The following CFAP251 variants were observed in gnomAD, a reference collection of about 807,000 sequenced individuals.
The protein encoded by CFAP251 is cilia and flagella associated protein 251, also known as cilia- and flagella-associated protein 251.
In CFAP251, 93 loss-of-function variants were observed where a neutral mutation model predicts 126.7. The observed-to-expected ratio is 0.73, with a 90% CI of 0.62 to 0.87. The LOEUF (loss-of-function observed/expected upper bound fraction) is 0.87. CFAP251 is among the 40% of genes least tolerant of loss of function. The pLI, the probability that CFAP251 is intolerant of heterozygous loss-of-function variation, is 0.00. For synonymous variants in CFAP251, 503 were observed against 506.9 expected (o/e 0.99, Z 0.10); for missense variants, 1,287 against 1,389.2 (o/e 0.93, Z 1.17).
At chr12:121,954,660 A>AAAAAAAC (rs1448559387) in intron 10 of CFAP251, among the ~76,000 whole-genome samples, 4 of 146,746 alleles carry the variant, frequency 2.7e-5, no homozygotes, top group Non-Finnish European at 6.1e-5. Flanking sequence ...AAAAAAAAAA[A>AAAAAAAC]AAAAAAAACC....
At chr12:121,945,352 CTTTTT>C (rs869230178) in intron 7 of CFAP251, among the ~76,000 whole-genome samples, 7 of 118,448 alleles carry the variant, frequency 5.9e-5, no homozygotes, top group Non-Finnish European at 1.1e-4. Flanking sequence ...CTTTTCTTTT[CTTTTT>C]TTTTGAGATG....
chr12:121,999,633 C>T, intron 19 of CFAP251, 83 bp from the exon 20 acceptor site: 1 of 1,072,570 alleles, frequency 9.3e-7, no homozygotes, highest in Non-Finnish European at 1.3e-6. Flanking sequence ...GCTGCACCAG[C>T]CCTACTGTCC....
intron 19 of CFAP251, among the ~76,000 whole-genome samples, chr12:121,985,685 T>G (rs1004776827): frequency 4.0e-5 from 6 of 151,346 alleles, no homozygotes; most frequent in Admixed American, 3.9e-4. Context: ...GGTCTCAAAC[T>G]CCTGGGCTTA....
chr12:121,975,451 G>C, intron 18 of CFAP251, 91 bp from the exon 19 acceptor site: 1 of 1,580,224 alleles, frequency 6.3e-7, no homozygotes, highest in South Asian at 1.1e-5. Flanking sequence ...CAGCTTAAAA[G>C]GTACTTTCTA....
At chr12:121,980,678 G>C (rs2135803917) in intron 19 of CFAP251, among the ~76,000 whole-genome samples, 1 of 152,252 alleles carries the variant, frequency 6.6e-6, no homozygotes, top group East Asian at 1.9e-4. Context: ...CATTAGAAAT[G>C]TTGCCTCAGA....
chr12:121,997,877 G>C (rs1391244674), intron 19 of CFAP251: 2 of 150,718 alleles, frequency 1.3e-5, no homozygotes, highest in Non-Finnish European at 2.9e-5. Flanking sequence ...TCAGCCCCCC[G>C]AGTAGCTGGG....
At chr12:121,995,928 A>T (rs371706965) in intron 19 of CFAP251, among the ~76,000 whole-genome samples, 8 of 152,242 alleles carry the variant, frequency 5.3e-5, no homozygotes, top group African/African-American at 1.4e-4. Context: ...TTTTATATGC[A>T]TAGAAAAAAT....
In CFAP251 at chr12:121,934,237, A is replaced by G. The variant is rs748285021; in HGVS notation, c.889-10A>G. The stretch of plus-strand genomic sequence containing the variant: ...GGATGTTTCAAAGCGTTTTCTCTCC[A>G]TTTCCATAGGGCCACGCCAATATTA... On this transcript the variant is annotated splice_polypyrimidine_tract_variant and intron_variant, in intron 4 of 21. Transcript: ENST00000288912. 1.2e-6 allele frequency: 2 copies of G among 1,611,470 alleles called. No homozygotes were observed. Among genetic ancestry groups the G allele is most frequent in the African/African-American group, 1.3e-5 (1 of 74,976 alleles).
intron 15 of CFAP251, 73 bp downstream of exon 15, chr12:121,962,235 A>G (rs1881965083): frequency 7.0e-7 from 1 of 1,436,106 alleles, no homozygotes; most frequent in Admixed American, 1.9e-5. Flanking sequence ...TCAGGTCTCC[A>G]CATAGGGACC....
rs906008330 is a variant in CFAP251 at position 121,980,912 on chromosome 12, G to T, written c.3006+5227G>T. Among the ~76,000 whole-genome samples, 17 of 152,324 alleles carry T rather than the reference G, an allele frequency of 1.1e-4. 1 individual carries two copies. The highest frequency in any genetic ancestry group is 3.8e-4 in the African/African-American group (16 of 41,578). ...AGCCTCCTTGGCGAGCCATCCCAGC[G>T]GTGGTCTGAACGCCGGAGTCTGCTC... On this transcript the variant is annotated intron_variant, in intron 19 of 21. Transcript: ENST00000288912.
intron 7 of CFAP251, among the ~76,000 whole-genome samples, chr12:121,946,731 C>T (rs892272363): frequency 6.6e-6 from 1 of 151,862 alleles, no homozygotes; most frequent in Non-Finnish European, 1.5e-5. Flanking sequence ...CCAGGTGGCA[C>T]CATCACACCT....
At chr12:121,984,818 C>T (rs1033297952) in intron 19 of CFAP251, among the ~76,000 whole-genome samples, 2 of 152,180 alleles carry the variant, frequency 1.3e-5, no homozygotes, top group East Asian at 3.8e-4. Flanking sequence ...TGCAACTTCA[C>T]TTCTTTTTAG....
chr12:121,928,679 TATATATATAC>T (rs1880545238), intron 3 of CFAP251, among the ~76,000 whole-genome samples: 1 of 43,146 alleles, frequency 2.3e-5, no homozygotes, highest in Non-Finnish European at 8.2e-5. Context: ...CGTATATATA[TATATATATAC>T]GTATATATAT....
At chr12:121,967,325 A>G (rs1592992888) in intron 16 of CFAP251, among the ~76,000 whole-genome samples, 1 of 152,234 alleles carries the variant, frequency 6.6e-6, no homozygotes, top group Non-Finnish European at 1.5e-5. Flanking sequence ...TTTCCTTCTT[A>G]TTTATTTACA....
In CFAP251 at chr12:121,921,266, T is replaced by C. The variant is rs6486782; in HGVS notation, c.-20-20T>C. 0.57 allele frequency: 866,438 copies of C among 1,530,240 alleles called. 249,641 individuals are homozygous for C. Among genetic ancestry groups the C allele is most frequent in the African/African-American group, 0.72 (51,711 of 71,854 alleles). The allele number at this position is 1,530,240 out of a possible 1,614,324, so 94.8% of individuals were successfully genotyped here. ...GGGAAGCTGAGGGCCAGCTGGTTAT[T>C]ATGGTCAAAATCTCTCTAGAGGAAA... On this transcript the variant is annotated intron_variant, in intron 1 of 21. Transcript: ENST00000288912.
chr12:121,971,183 A>T lies in CFAP251; in HGVS notation c.2771+3014A>T, dbSNP rs77070403. On this transcript the variant is annotated intron_variant, in intron 17 of 21. Transcript: ENST00000288912. The stretch of plus-strand genomic sequence containing the variant: ...CTTGCTGCTCACTGAGCTTGTTGGG[A>T]TTGGGCCTGGGCCTGGCCTGGAGGC... 1.9e-3 allele frequency among the ~76,000 whole-genome samples: 289 copies of T among 152,240 alleles called. 5 individuals carry two copies. The East Asian group carries it at 0.051, about 27-fold the overall frequency.
chr12:121,924,868 A>G (rs181289865), intron 3 of CFAP251, among the ~76,000 whole-genome samples: 4 of 152,216 alleles, frequency 2.6e-5, no homozygotes, highest in African/African-American at 9.6e-5. Context: ...TCTGTTGCAT[A>G]GGGTGCTATT....
chr12:121,971,881 C>A, intron 17 of CFAP251: 1 of 421,964 alleles, frequency 2.4e-6, no homozygotes, highest in Admixed American at 3.6e-5. Flanking sequence ...GGTGGTTTCC[C>A]CCATGTTGTT....
chr12:121,972,012 A>G, intron 17 of CFAP251: 1 of 235,988 alleles, frequency 4.2e-6, no homozygotes. Flanking sequence ...TTCCGCCATG[A>G]TTGTGAGGCC....
Sources: gnomAD v4.1 joint callset for allele counts (sites outside exome capture counted in the v4.1 genomes callset) on GRCh38, gnomAD v4.1.1 for gene constraint, MANE v1.5 for transcripts, NCBI Gene and HGNC (gene_info 2026-07-23, HGNC 2026-07-21) for gene names.